Variants in CFDP1 observed in about 807,000 individuals in gnomAD.
CFDP1 encodes the protein heterochromatin-stabilizing protein CFDP1.
CFDP1 carries 31 observed loss-of-function variants against 40.1 expected under a neutral mutation model. The ratio of observed to expected loss-of-function variants is 0.77; its 90% CI spans 0.58 to 1.04. The LOEUF is 1.04. Ranked by LOEUF, CFDP1 falls within the 50% of genes least tolerant of loss-of-function variation. CFDP1 has a pLI of 0.00. For missense variants in CFDP1, 423 were observed against 343.4 expected, an observed-to-expected ratio of 1.23 and a Z score of -1.83; for synonymous variants, 167 against 120.0, an observed-to-expected ratio of 1.39 and a Z score of -2.56.
chr16:75,430,542 G>C (rs1256549758), intron 1 of CFDP1, among the ~76,000 whole-genome samples: 1 of 151,828 alleles, frequency 6.6e-6, no homozygotes, highest in Non-Finnish European at 1.5e-5. Flanking sequence ...TTCACTCACT[G>C]CAACCCCCAC....
intron 2 of CFDP1, 45 bp downstream of exon 2, chr16:75,414,533 G>T (rs967368815): frequency 2.6e-6 from 3 of 1,147,790 alleles, no homozygotes; most frequent in Non-Finnish European, 4.0e-6. Flanking sequence ...CAGGATGGTT[G>T]TGACAATAGC....
intron 5 of CFDP1, among the ~76,000 whole-genome samples, chr16:75,315,519 GTATGGTCTGGTGAGGAATTCCAA>G (rs1382288886): frequency 2.6e-5 from 4 of 151,956 alleles, no homozygotes; most frequent in African/African-American, 4.8e-5. Flanking sequence ...AAGAATTCCA[GTATGGTCTGGTGAGGAATTCCAA>G]TATGGTCTGG....
chr16:75,306,767 C>T (rs2078259751), intron 5 of CFDP1, among the ~76,000 whole-genome samples: 1 of 152,026 alleles, frequency 6.6e-6, no homozygotes, highest in Admixed American at 6.6e-5. Context: ...ACTTTACTTC[C>T]CAGTTTGCTT....
At chr16:75,416,142 G>A (rs374126782) in intron 1 of CFDP1, among the ~76,000 whole-genome samples, 3 of 152,038 alleles carry the variant, frequency 2.0e-5, no homozygotes, top group African/African-American at 7.3e-5. Context: ...AGGAGCCACC[G>A]CACACGGCCT....
chr16:75,422,405 T>C (rs74725699), intron 1 of CFDP1, among the ~76,000 whole-genome samples: 1 of 148,116 alleles, frequency 6.8e-6, no homozygotes, highest in African/African-American at 2.5e-5. Context: ...TCTTTTTTTT[T>C]TTTTTTTTTT....
intron 1 of CFDP1, among the ~76,000 whole-genome samples, chr16:75,430,941 G>T (rs1227517013): frequency 6.6e-6 from 1 of 152,194 alleles, no homozygotes; most frequent in Non-Finnish European, 1.5e-5. Context: ...CAGGTTAAAT[G>T]TTAAAGAGCC....
intron 5 of CFDP1, among the ~76,000 whole-genome samples, chr16:75,326,042 T>C (rs72804150): frequency 2.1e-3 from 317 of 152,342 alleles, no homozygotes; most frequent in Non-Finnish European, 3.9e-3. Context: ...AGGGACAGAA[T>C]TAAGGAGAAG....
intron 5 of CFDP1, among the ~76,000 whole-genome samples, chr16:75,386,651 G>A (rs1423242978): frequency 6.6e-6 from 1 of 152,134 alleles, no homozygotes; most frequent in Admixed American, 6.5e-5. Flanking sequence ...CTTGAACCTG[G>A]GAGGCGAAGG....
chr16:75,395,036 T>A, intron 5 of CFDP1, 54 bp downstream of exon 5: 1 of 1,607,726 alleles, frequency 6.2e-7, no homozygotes, highest in Non-Finnish European at 8.5e-7. Flanking sequence ...GTATTTGCAC[T>A]GAAAGCTTCT....
rs115347737 is a variant in CFDP1 at position 75,385,653 on chromosome 16, A to G, written c.650+9437T>C. Among the ~76,000 whole-genome samples, 492 of 152,346 alleles carry G rather than the reference A, an allele frequency of 3.2e-3. 2 individuals carry two copies. The highest frequency in any genetic ancestry group is 0.011 in the African/African-American group (468 of 41,580). On this transcript the variant is annotated intron_variant, in intron 5 of 6. Transcript: ENST00000283882. ...AAAATGTACAAGACTCTTTTACCCAATCTTAAGAATGCTGCTTAATGCTTT... is the reference window on the plus strand; with the variant it reads ...AAAATGTACAAGACTCTTTTACCCAGTCTTAAGAATGCTGCTTAATGCTTT...
rs901564939 is a variant in CFDP1, at chr16:75,412,729, A to T, written c.208T>A (p.Leu70Ile). 6.2e-7 allele frequency: 1 copy of T among 1,613,694 alleles called. No homozygotes were observed. Among genetic ancestry groups the T allele is most frequent in the Non-Finnish European group, 8.5e-7 (1 of 1,179,982 alleles). ...GCATCCTCCTCTTCCTCTTCTTCTA[A>T]TGAGAGGCCACCTTGTCTTCTCTTC... is the stretch of plus-strand genomic sequence containing the variant. ...ARKRRQGGLS[L>I]EEEEEEDANS... The change falls in exon 3 of 7, where the codon TTA becomes ATA. Residue 70 changes from leucine (L) to isoleucine (I), a missense_variant. Leu to Ile is a conservative substitution (Grantham distance 5). Coordinates refer to ENST00000283882, the MANE Select transcript of CFDP1 (RefSeq NM_006324.3).
chr16:75,321,455 T>C (rs963836034), intron 5 of CFDP1, among the ~76,000 whole-genome samples: 2 of 152,224 alleles, frequency 1.3e-5, no homozygotes, highest in Non-Finnish European at 2.9e-5. Flanking sequence ...TCACCAGCTC[T>C]TGGCAACTAC....
intron 4 of CFDP1, among the ~76,000 whole-genome samples, chr16:75,402,323 A>C: frequency 6.6e-6 from 1 of 152,212 alleles, no homozygotes; most frequent in Middle Eastern, 3.2e-3. Context: ...GAACTTCCTG[A>C]AAGTCTTTAA....
chr16:75,302,747 G>A (rs1368268889), intron 6 of CFDP1, among the ~76,000 whole-genome samples: 2 of 152,192 alleles, frequency 1.3e-5, no homozygotes, highest in Admixed American at 6.5e-5. Context: ...GGTTTGGGGC[G>A]CATGTCAGAG....
intron 5 of CFDP1, among the ~76,000 whole-genome samples, chr16:75,323,501 C>G (rs1054838365): frequency 1.1e-4 from 17 of 151,398 alleles, no homozygotes; most frequent in African/African-American, 3.9e-4. Context: ...TACTATAGGG[C>G]TGGGTACAGT....
intron 6 of CFDP1, among the ~76,000 whole-genome samples, chr16:75,297,166 C>CTG (rs71158597): frequency 0.019 from 2,662 of 143,434 alleles, 50 homozygotes; most frequent in African/African-American, 0.036. Flanking sequence ...GTGTGTGTGT[C>CTG]TGTGTGTGTG....
intron 5 of CFDP1, among the ~76,000 whole-genome samples, chr16:75,347,001 C>T (rs903607260): frequency 7.2e-5 from 11 of 152,032 alleles, no homozygotes; most frequent in Admixed American, 6.5e-5. Context: ...CAAGGGTCAG[C>T]ATTTCTTTAT....
intron 1 of CFDP1, among the ~76,000 whole-genome samples, chr16:75,427,050 CAAA>C (rs58187867): frequency 7.5e-6 from 1 of 134,152 alleles, no homozygotes; most frequent in Non-Finnish European, 1.6e-5. Flanking sequence ...GAGACTGTCT[CAAA>C]AAAAAAAAAA....
At chr16:75,390,726 G>A (rs1213286214) in intron 5 of CFDP1, among the ~76,000 whole-genome samples, 1 of 152,216 alleles carries the variant, frequency 6.6e-6, no homozygotes, top group Non-Finnish European at 1.5e-5. Flanking sequence ...TATTCCCTTG[G>A]CTTCCCTCTG....
Sources: gnomAD v4.1 joint callset for allele counts (sites outside exome capture counted in the v4.1 genomes callset) on GRCh38, gnomAD v4.1.1 for gene constraint, MANE v1.5 for transcripts, NCBI Gene and HGNC (gene_info 2026-07-23, HGNC 2026-07-21) for gene names.